Variants in ZNF704 observed in about 807,000 individuals in gnomAD.
ZNF704 encodes the protein glucocorticoid induced gene 1.
Under a neutral mutation model 44.7 loss-of-function variants are expected in ZNF704, and 10 were observed. That is an observed-to-expected ratio of 0.22 (90% confidence interval 0.14 to 0.38). The LOEUF is 0.38. ZNF704 is among the 10% of genes least tolerant of loss of function. ZNF704 has a pLI of 1.00. For missense variants in ZNF704, 390 were observed against 545.5 expected, an observed-to-expected ratio of 0.71 and a Z score of 2.84; for synonymous variants, 211 against 207.6, an observed-to-expected ratio of 1.02 and a Z score of -0.14.
upstream of ZNF704, among the ~76,000 whole-genome samples, chr8:80,878,253 A>AAAGGAAGGAAGGAAGG (rs746307538): frequency 1.0e-3 from 146 of 140,148 alleles, no homozygotes; most frequent in Admixed American, 1.4e-3. Flanking sequence ...AAAGAGAAAG[A>AAAGGAAGGAAGGAAGG]AAGGAAGGAA....
chr8:80,736,393 C>A (rs931984350), intron 2 of ZNF704, among the ~76,000 whole-genome samples: 1 of 152,216 alleles, frequency 6.6e-6, no homozygotes, highest in South Asian at 2.1e-4. Context: ...GATTCTCCTG[C>A]CTCAGCCTCC....
At position 80,631,255 on chromosome 8, in the gene ZNF704, G is replaced by A. The variant is rs1290080367; in HGVS notation, c.*10111C>T. ...TCATGAAACTCCGCTGTATATCCCTGAGGGGTATATTCACACTCTGGCAGC... is the reference window on the plus strand; with the variant it reads ...TCATGAAACTCCGCTGTATATCCCTAAGGGGTATATTCACACTCTGGCAGC... On this transcript the variant is annotated 3_prime_UTR_variant, in exon 9 of 9. Coordinates refer to ENST00000327835, the MANE Select transcript of ZNF704 (RefSeq NM_001033723.3). The A allele has an allele frequency of 1.3e-5, 2 of 151,998 alleles. No homozygotes were observed. The highest frequency in any genetic ancestry group is 2.9e-5 in the Non-Finnish European group (2 of 68,014). 9.4% of individuals were successfully genotyped at this position (151,998 alleles called of 1,614,324 possible).
At chr8:80,642,466 C>T (rs1817759099) in intron 8 of ZNF704, among the ~76,000 whole-genome samples, 2 of 152,128 alleles carry the variant, frequency 1.3e-5, no homozygotes, top group Admixed American at 6.6e-5. Flanking sequence ...TGTAGATACA[C>T]TGAACAAAGG....
At chr8:80,666,964 T>G (rs561687695) in intron 5 of ZNF704, among the ~76,000 whole-genome samples, 8 of 152,092 alleles carry the variant, frequency 5.3e-5, no homozygotes, top group South Asian at 4.1e-4. Flanking sequence ...AAGCTCTTTA[T>G]TTTAATTAGA....
chr8:80,832,547 C>G (rs375157886), intron 1 of ZNF704, among the ~76,000 whole-genome samples: 54 of 152,330 alleles, frequency 3.5e-4, no homozygotes, highest in African/African-American at 1.3e-3. Context: ...AAACTGTCCT[C>G]AGTTACTCAT....
chr8:80,754,054 ACTGT>A (rs1469716284), intron 2 of ZNF704, among the ~76,000 whole-genome samples: 3 of 152,198 alleles, frequency 2.0e-5, no homozygotes, highest in Admixed American at 2.0e-4. Context: ...GTGGAATGCC[ACTGT>A]CTATCAGAAA....
At chr8:80,839,249 C>T (rs1010531683) in intron 1 of ZNF704, among the ~76,000 whole-genome samples, 1 of 152,204 alleles carries the variant, frequency 6.6e-6, no homozygotes, top group Admixed American at 6.5e-5. Context: ...CACAGTCTAA[C>T]ACAACATCTT....
At chr8:80,858,838 C>G (rs1809011442) in intron 1 of ZNF704, among the ~76,000 whole-genome samples, 1 of 152,118 alleles carries the variant, frequency 6.6e-6, no homozygotes, top group African/African-American at 2.4e-5. Context: ...GATATGATTT[C>G]AATTCTTTGG....
At chr8:80,797,651 C>T (rs550383474) in intron 2 of ZNF704, among the ~76,000 whole-genome samples, 3 of 152,214 alleles carry the variant, frequency 2.0e-5, no homozygotes, top group Admixed American at 6.5e-5. Flanking sequence ...AGGAAGCCCA[C>T]GGAGGGTTTC....
At chr8:80,833,224 C>T (rs927396144) in intron 1 of ZNF704, among the ~76,000 whole-genome samples, 8 of 152,066 alleles carry the variant, frequency 5.3e-5, no homozygotes, top group African/African-American at 1.7e-4. Flanking sequence ...GTGGTGTGCA[C>T]GTGTAGTCCC....
At chr8:80,734,046 G>A (rs555267439) in intron 2 of ZNF704, among the ~76,000 whole-genome samples, 1 of 152,158 alleles carries the variant, frequency 6.6e-6, no homozygotes, top group African/African-American at 2.4e-5. Context: ...GTATTCTCCA[G>A]ATGGTGTTTC....
intron 2 of ZNF704, among the ~76,000 whole-genome samples, chr8:80,755,594 C>T (rs762422842): frequency 3.9e-5 from 6 of 152,162 alleles, no homozygotes; most frequent in South Asian, 2.1e-4. Context: ...CAGGTTCAAT[C>T]GGAACTATTC....
At chr8:80,848,239 C>T (rs913639809) in intron 1 of ZNF704, among the ~76,000 whole-genome samples, 3 of 152,046 alleles carry the variant, frequency 2.0e-5, no homozygotes, top group South Asian at 2.1e-4. Flanking sequence ...TTAGGAACGG[C>T]GGAGAGGCAA....
chr8:80,749,896 C>T (rs554005566), intron 2 of ZNF704, among the ~76,000 whole-genome samples: 5 of 152,258 alleles, frequency 3.3e-5, no homozygotes, highest in Admixed American at 3.3e-4. Context: ...TCCCTCTTTA[C>T]CAGAGGTGAC....
chr8:80,769,546 C>T (rs1422567238), intron 2 of ZNF704, among the ~76,000 whole-genome samples: 1 of 152,190 alleles, frequency 6.6e-6, no homozygotes, highest in Non-Finnish European at 1.5e-5. Context: ...CCAGGAATCA[C>T]TAGGGCAGGG....
chr8:80,819,255 T>C (rs999396604), intron 2 of ZNF704, among the ~76,000 whole-genome samples: 2 of 152,154 alleles, frequency 1.3e-5, no homozygotes, highest in Non-Finnish European at 2.9e-5. Context: ...TACTTTTAAG[T>C]ACATTCAGTG....
At chr8:80,878,548 T>C (rs939641420), upstream of ZNF704, among the ~76,000 whole-genome samples, 3 of 152,216 alleles carry the variant, frequency 2.0e-5, no homozygotes, top group African/African-American at 7.2e-5. Flanking sequence ...AATTTTGCCC[T>C]TTAAAAAGCT....
intron 2 of ZNF704, among the ~76,000 whole-genome samples, chr8:80,768,698 G>C (rs1405279390): frequency 1.3e-5 from 2 of 152,112 alleles, no homozygotes; most frequent in African/African-American, 2.4e-5. Flanking sequence ...CCAGTGGTGT[G>C]CTGGAGTCAG....
chr8:80,712,559 T>G (rs1819003331), intron 2 of ZNF704, among the ~76,000 whole-genome samples: 1 of 152,180 alleles, frequency 6.6e-6, no homozygotes, highest in Non-Finnish European at 1.5e-5. Flanking sequence ...CTTAGGATCA[T>G]TTTATAAATG....
Sources: allele counts gnomAD v4.1 joint callset (sites outside exome capture counted in the v4.1 genomes callset), GRCh38; gene constraint gnomAD v4.1.1; transcripts MANE v1.5; gene names NCBI Gene and HGNC (gene_info 2026-07-23, HGNC 2026-07-21).